The following VWF variants were observed in gnomAD, a reference collection of about 807,000 sequenced individuals.
The protein encoded by VWF is von Willebrand factor.
Under a neutral mutation model 308.6 loss-of-function variants are expected in VWF, and 176 were observed. The ratio of observed to expected loss-of-function variants is 0.57; its 90% CI spans 0.50 to 0.65. The LOEUF is 0.65. Ranked by LOEUF, VWF falls within the 30% of genes least tolerant of loss-of-function variation. VWF has a pLI of 0.00. For synonymous variants in VWF, 1,385 were observed against 1,443.4 expected (o/e 0.96, Z 0.92); for missense variants, 3,146 against 3,648.2 (o/e 0.86, Z 3.55).
chr12:6,082,824 T>TGTAATAGGCGAA lies in VWF; in HGVS notation c.658-7274_658-7273insTTCGCCTATTAC, dbSNP rs1316405274. 3.3e-5 allele frequency among the ~76,000 whole-genome samples: 5 copies of TGTAATAGGCGAA among 152,250 alleles called. 1 individual carries two copies. The East Asian group carries it at 9.6e-4, about 29-fold the overall frequency. ...TAAACCCTGTTAAATTTAATTTGTCTCAGGTTTTTCTTTTAACACTAGTGA... is the reference window on the plus strand; with the variant it reads ...TAAACCCTGTTAAATTTAATTTGTCTGTAATAGGCGAACAGGTTTTTCTTTTAACACTAGTGA... On this transcript the variant is annotated intron_variant, in intron 6 of 51. Transcript: ENST00000261405.
intron 16 of VWF, among the ~76,000 whole-genome samples, chr12:6,052,024 C>A (rs1420054008): frequency 6.6e-6 from 1 of 152,176 alleles, no homozygotes; most frequent in African/African-American, 2.4e-5. Flanking sequence ...TCATGGCAAC[C>A]CTGTTGAAAC....
chr12:5,968,124 C>T lies in VWF; in HGVS notation c.7770+3G>A. 2 of 1,614,110 alleles carry T rather than the reference C, an allele frequency of 1.2e-6. No homozygotes were observed. The highest frequency in any genetic ancestry group is 1.7e-6 in the Non-Finnish European group (2 of 1,180,012). On this transcript the variant is annotated splice_donor_region_variant and intron_variant, in intron 46 of 51. Transcript: ENST00000261405. ...TGCTCTGGAGAAGAGGACAGCGGCT[C>T]ACCCCAATGACAGTGCCATTGAGCA...
In VWF at chr12:5,968,157, C is replaced by A. The variant is rs762759559; in HGVS notation, c.7740G>T (p.Glu2580Asp). 1 of 1,614,108 alleles carries A rather than the reference C, an allele frequency of 6.2e-7. No individual in the cohort carries two copies. The highest frequency in any genetic ancestry group is 2.2e-5 in the East Asian group (1 of 44,870). ...TGACAGTGCCATTGAGCATGCAGGC[C>A]TCCATGCGCTCTGGGGGAGAGAAAA... The part of the protein sequence containing the change: ...CCPSCRCERM[E>D]ACMLNGTVIG... The change falls in exon 46 of 52, where the codon GAG becomes GAT. Residue 2580 changes from glutamate (E) to aspartate (D), a missense_variant. By Grantham distance (45) the Glu-to-Asp change is conservative (BLOSUM62 2). Transcript: ENST00000261405.
chr12:5,957,119 TATTCAGCACAGTAAC>T (rs1405436613), intron 47 of VWF, among the ~76,000 whole-genome samples: 1 of 152,240 alleles, frequency 6.6e-6, no homozygotes, highest in Non-Finnish European at 1.5e-5. Context: ...TTGCCTACAG[TATTCAGCACAGTAAC>T]ATGCCATACA....
intron 6 of VWF, among the ~76,000 whole-genome samples, chr12:6,089,302 T>C (rs1163434736): frequency 6.6e-6 from 1 of 152,222 alleles, no homozygotes; most frequent in African/African-American, 2.4e-5. Flanking sequence ...CAAAGCAGTC[T>C]TCTCTTCTCA....
intron 6 of VWF, among the ~76,000 whole-genome samples, chr12:6,083,837 TCCACCAAGTGTC>T (rs1944941416): frequency 6.6e-6 from 1 of 152,172 alleles, no homozygotes; most frequent in Non-Finnish European, 1.5e-5. Context: ...TTGTGCAACC[TCCACCAAGTGTC>T]CTCAAAATAA....
rs755717764 is a variant in VWF, at chr12:5,990,868, T to TAAAAAAAAA, written c.6798+942_6798+950dup. ...ATACACTCAATAACTCCCATAGAGC[T>TAAAAAAAAA]AAAAAAAAAAAAAAAAAAAAAAAAA... On this transcript the variant is annotated intron_variant, in intron 38 of 51. Transcript: ENST00000261405. 1.8e-3 allele frequency among the ~76,000 whole-genome samples: 58 copies of TAAAAAAAAA among 31,436 alleles called. 3 individuals carry two copies. The highest frequency in any genetic ancestry group is 2.5e-3 in the Admixed American group (5 of 2,004). The allele number at this position is 31,436 out of a possible 152,430, so 20.6% of individuals were successfully genotyped here.
rs1441810037 is a variant in VWF at position 5,985,551 on chromosome 12, G to A, written c.6901+12C>T. 6.2e-7 allele frequency: 1 copy of A among 1,613,302 alleles called. No individual in the cohort carries two copies. Among genetic ancestry groups the A allele is most frequent in the East Asian group, 2.2e-5 (1 of 44,872 alleles). ...TCCTCCATGAAGGCACCAGGGAGGG[G>A]AGGACTCTCACCTTTGGCCGTGGGG... is the stretch of plus-strand genomic sequence containing the variant. On this transcript the variant is annotated intron_variant, in intron 39 of 51. Coordinates refer to ENST00000261405, the MANE Select transcript of VWF (RefSeq NM_000552.5).
At chr12:5,987,411 G>A (rs571572367) in intron 38 of VWF, among the ~76,000 whole-genome samples, 4 of 152,304 alleles carry the variant, frequency 2.6e-5, no homozygotes, top group Admixed American at 6.5e-5. Context: ...AAGAAGTTAA[G>A]AAATTTGACC....
chr12:6,108,334 T>TATATAC (rs374693235), intron 5 of VWF, among the ~76,000 whole-genome samples: 40 of 124,192 alleles, frequency 3.2e-4, no homozygotes, highest in African/African-American at 1.1e-3. Flanking sequence ...AAGAAATATA[T>TATATAC]ACACACACAC....
intron 15 of VWF, 31 bp from the exon 16 acceptor site, chr12:6,052,814 C>A: frequency 6.2e-7 from 1 of 1,603,504 alleles, no homozygotes; most frequent in Non-Finnish European, 8.5e-7. Context: ...AAGGCCTCAG[C>A]GGGAATGTTG....
rs2136461672 is a variant in VWF, at chr12:6,063,990, T to A, written c.1432+256A>T. On this transcript the variant is annotated intron_variant, in intron 12 of 51. Transcript: ENST00000261405. This position sits in a 1 kb window ranked among gnomAD's most constrained non-coding sequence, Gnocchi z 4.9. ...AAATCCTCTCGGTTCCCTTTTCCCA[T>A]CTACACTCTGTCCCAGGTCTAGAGC... 6.6e-6 allele frequency among the ~76,000 whole-genome samples: 1 copy of A among 152,334 alleles called. No individual in the cohort carries two copies. The highest frequency in any genetic ancestry group is 2.1e-4 in the South Asian group (1 of 4,830).
intron 43 of VWF, 73 bp from the exon 44 acceptor site, chr12:5,971,782 G>C (rs1035876826): frequency 7.7e-7 from 1 of 1,300,180 alleles, no homozygotes. Flanking sequence ...TACGCCTCCT[G>C]CGTACTGAGC....
chr12:6,103,276 C>G (rs1289046097), intron 5 of VWF, among the ~76,000 whole-genome samples: 3 of 151,796 alleles, frequency 2.0e-5, no homozygotes, highest in African/African-American at 7.3e-5. Flanking sequence ...TGCAGTGAGC[C>G]AATCCACGCC....
intron 10 of VWF, among the ~76,000 whole-genome samples, chr12:6,069,674 G>T (rs1209521167): frequency 6.6e-6 from 1 of 152,212 alleles, no homozygotes; most frequent in Non-Finnish European, 1.5e-5. Context: ...CAGAGCCAGG[G>T]CTTTGAGAAT....
intron 14 of VWF, among the ~76,000 whole-genome samples, chr12:6,057,479 A>ATTT (rs1555198329): frequency 3.7e-4 from 22 of 59,468 alleles, no homozygotes; most frequent in East Asian, 1.3e-3. Context: ...CGCCCGGCAA[A>ATTT]TTTATTATTA....
chr12:6,072,236 G>A lies in VWF; in HGVS notation c.1109+95C>T, dbSNP rs1944789468. On this transcript the variant is annotated intron_variant, in intron 9 of 51. Transcript: ENST00000261405. ...GTCTCTTCTTTCTTGGCACGGTCCA[G>A]GTTCTTTTCCACCTGCCACCACCCC... 2.6e-6 allele frequency: 3 copies of A among 1,155,470 alleles called. No individual in the cohort carries two copies. In the African/African-American group the frequency reaches 4.5e-5, roughly 17 times the overall value. 71.6% of individuals were successfully genotyped at this position (1,155,470 alleles called of 1,614,324 possible).
intron 22 of VWF, 54 bp downstream of exon 22, chr12:6,029,288 G>C: frequency 1.2e-6 from 2 of 1,611,966 alleles, no homozygotes; most frequent in South Asian, 1.1e-5. Context: ...TCAGGGAGCA[G>C]AAAACACTCC....
intron 18 of VWF, among the ~76,000 whole-genome samples, chr12:6,037,609 C>T (rs777596174): frequency 5.3e-5 from 8 of 152,216 alleles, no homozygotes; most frequent in Non-Finnish European, 8.8e-5. Context: ...GCTTCTGTCC[C>T]GACTCCAAGG....
Sources: allele counts gnomAD v4.1 joint callset (sites outside exome capture counted in the v4.1 genomes callset), GRCh38; gene constraint gnomAD v4.1.1; non-coding constraint Gnocchi (gnomAD v3.1); transcripts MANE v1.5; gene names NCBI Gene and HGNC (gene_info 2026-07-23, HGNC 2026-07-21).